The following SMTNL2 variants were observed in gnomAD, a reference collection of about 807,000 sequenced individuals.
The protein encoded by SMTNL2 is smoothelin-like protein 2.
SMTNL2 carries 43 observed loss-of-function variants against 44.1 expected under a neutral mutation model. That is an observed-to-expected ratio of 0.98 (90% CI 0.76 to 1.26). SMTNL2 has a LOEUF of 1.26. Ranked by LOEUF, SMTNL2 falls within the 50% of genes most tolerant of loss-of-function variation. The probability of loss-of-function intolerance (pLI) is 0.00; values close to 1 mark genes in which losing one functional copy is unlikely to be tolerated. For synonymous variants in SMTNL2, 317 were observed against 287.6 expected (o/e 1.10, Z -1.03); for missense variants, 646 against 670.2 (o/e 0.96, Z 0.40).
chr17:4,601,543 A>T (rs2150525109), intron 7 of SMTNL2, among the ~76,000 whole-genome samples: 1 of 152,156 alleles, frequency 6.6e-6, no homozygotes, highest in East Asian at 1.9e-4. Flanking sequence ...TGATTGATTG[A>T]CACAAGATCA....
chr17:4,587,049 A>C (rs1389351202), intron 1 of SMTNL2, among the ~76,000 whole-genome samples: 1 of 152,078 alleles, frequency 6.6e-6, no homozygotes, highest in African/African-American at 2.4e-5. Context: ...GGAATTAAAA[A>C]CCAGACCGGG....
At position 4,600,747 on chromosome 17, in the gene SMTNL2, A is replaced by C. The variant is rs1909996589; in HGVS notation, c.1259+3424A>C. On this transcript the variant is annotated intron_variant, in intron 7 of 7. Transcript: ENST00000389313. The surrounding 1 kb of genome is among the most constrained non-coding windows in gnomAD (Gnocchi z 4.7). ...TCGGGCGGGCGCCTGACCCTTCTGC[A>C]CCCGTCCTTTCCACCTCTGCAGAGG... Among the ~76,000 whole-genome samples the C allele has an allele frequency of 6.6e-6, 1 of 152,022 alleles. No individual in the cohort carries two copies. The highest frequency in any genetic ancestry group is 1.5e-5 in the Non-Finnish European group (1 of 67,982).
chr17:4,594,520 C>T lies in SMTNL2; in HGVS notation c.806+623C>T, dbSNP rs544545775. ...AAAATATTGGAGGAGGCCTCTCAGC[C>T]GGCAGGAGGGAGAGGACAGGAGCTT... On this transcript the variant is annotated intron_variant, in intron 4 of 7. Transcript: ENST00000389313. Among the ~76,000 whole-genome samples, 7 of 152,108 alleles carry T rather than the reference C, an allele frequency of 4.6e-5. No homozygotes were observed. The South Asian group carries it at 8.3e-4, about 18-fold the overall frequency.
Position 4,607,302 on chromosome 17 carries a change from C to A in SMTNL2, c.1260-59C>A. 1 of 1,598,830 alleles carries A rather than the reference C, an allele frequency of 6.3e-7. No homozygotes were observed. Among genetic ancestry groups the A allele is most frequent in the Non-Finnish European group, 8.5e-7 (1 of 1,172,310 alleles). ...CGGGACCGAGACACCGGCCCTGTCG[C>A]GGCTGTGGGGCTGGCTGATGGCTGG... On this transcript the variant is annotated intron_variant, in intron 7 of 7. Transcript: ENST00000389313. The surrounding 1 kb of genome is among the most constrained non-coding windows in gnomAD (Gnocchi z 4.7).
intron 3 of SMTNL2, among the ~76,000 whole-genome samples, chr17:4,593,481 G>A (rs1171416329): frequency 6.6e-6 from 1 of 152,258 alleles, no homozygotes; most frequent in Non-Finnish European, 1.5e-5. Flanking sequence ...TTGGGCCTGT[G>A]GCCAGTCCTC....
Position 4,597,160 on chromosome 17 carries a change from AC to A in SMTNL2, c.1108-9del. On this transcript the variant is annotated splice_polypyrimidine_tract_variant and intron_variant, in intron 6 of 7. Transcript: ENST00000389313. The stretch of plus-strand genomic sequence containing the variant: ...CTGCCCTCCCGCACTGACCCCACTC[AC>A]CCTGTTGCAGCACGTGGACCTGCAG... 6.2e-7 allele frequency: 1 copy of A among 1,612,050 alleles called. No individual in the cohort carries two copies. Among genetic ancestry groups the A allele is most frequent in the Non-Finnish European group, 8.5e-7 (1 of 1,179,078 alleles).
At position 4,599,762 on chromosome 17, in the gene SMTNL2, G is replaced by A. The variant is rs566997051; in HGVS notation, c.1259+2439G>A. Among the ~76,000 whole-genome samples the A allele has an allele frequency of 3.3e-5, 5 of 152,366 alleles. No individual in the cohort carries two copies. In the South Asian group the frequency reaches 1.0e-3, roughly 32 times the overall value. On this transcript the variant is annotated intron_variant, in intron 7 of 7. Transcript: ENST00000389313. ...CCGGGCTGTGCTTCCCCAGCACGAGGTTTGAGTTCAGGGAGCTTCTAGACT... is the reference window on the plus strand; with the variant it reads ...CCGGGCTGTGCTTCCCCAGCACGAGATTTGAGTTCAGGGAGCTTCTAGACT...
At position 4,592,296 on chromosome 17, in the gene SMTNL2, C is replaced by A; in HGVS notation, c.400-65C>A. ...GAACGGGAGGGGATTTGGGGGTGGG[C>A]AGCTTTTGGGGGTGGGCAGCTGGCC... On this transcript the variant is annotated intron_variant, in intron 1 of 7. Coordinates refer to ENST00000389313, the MANE Select transcript of SMTNL2 (RefSeq NM_001114974.2). The surrounding 1 kb of genome is among the most constrained non-coding windows in gnomAD (Gnocchi z 4.5). 3.5e-6 allele frequency: 5 copies of A among 1,420,776 alleles called. No homozygotes were observed. The highest frequency in any genetic ancestry group is 2.4e-5 in the East Asian group (1 of 41,058). 88.0% of individuals were successfully genotyped at this position (1,420,776 alleles called of 1,614,324 possible).
At position 4,588,983 on chromosome 17, in the gene SMTNL2, G is replaced by A. The variant is rs144260842; in HGVS notation, c.400-3378G>A. Among the ~76,000 whole-genome samples the A allele has an allele frequency of 1.4e-4, 21 of 152,296 alleles. No homozygotes were observed. In the East Asian group the frequency reaches 3.5e-3, roughly 25 times the overall value. ...ATAGCCCCTTGCGCCTTGACCTAAG[G>A]CACGGGCAGACCCCTTTCCCCAGGT... On this transcript the variant is annotated intron_variant, in intron 1 of 7. Transcript: ENST00000389313.
At chr17:4,593,698 A>C in intron 3 of SMTNL2, 124 bp from the exon 4 acceptor site, 1 of 917,018 alleles carries the variant, frequency 1.1e-6, no homozygotes, top group Non-Finnish European at 1.7e-6. Flanking sequence ...CTTAGCCCAG[A>C]AGGTTAGCTC....
chr17:4,593,306 T>C (rs1909660987), intron 3 of SMTNL2, 135 bp downstream of exon 3: 10 of 1,304,394 alleles, frequency 7.7e-6, no homozygotes, highest in Non-Finnish European at 1.0e-5. Flanking sequence ...CTGCCTGCCA[T>C]GTCAGCCCCT....
chr17:4,597,836 G>A (rs1360247515), intron 7 of SMTNL2, among the ~76,000 whole-genome samples: 1 of 152,212 alleles, frequency 6.6e-6, no homozygotes, highest in African/African-American at 2.4e-5. Context: ...TAGCTTCTTA[G>A]GTCCCACCTC....
chr17:4,586,496 T>G (rs1292324376), intron 1 of SMTNL2, among the ~76,000 whole-genome samples: 1 of 123,786 alleles, frequency 8.1e-6, no homozygotes, highest in African/African-American at 3.1e-5. Context: ...TACATGTAGA[T>G]GTGTGTGTAC....
intron 7 of SMTNL2, among the ~76,000 whole-genome samples, chr17:4,601,230 G>A (rs1382320591): frequency 1.3e-5 from 2 of 152,172 alleles, no homozygotes; most frequent in Non-Finnish European, 2.9e-5. Context: ...GTTGGGCAAC[G>A]TGGCAAGACC....
At chr17:4,605,832 A>T (rs758260816) in intron 7 of SMTNL2, among the ~76,000 whole-genome samples, 7 of 152,176 alleles carry the variant, frequency 4.6e-5, no homozygotes, top group African/African-American at 7.2e-5. Flanking sequence ...GGACCCAGGC[A>T]TACTGTAAGC....
Position 4,607,515 on chromosome 17 carries a change from C to G in SMTNL2, c.*28C>G. ...CCCCTGAGCCTGGATTGCCAAAGAG[C>G]AGCCCCAGGAAGAGGCCGGGGGTCC... On this transcript the variant is annotated 3_prime_UTR_variant, in exon 8 of 8. Coordinates refer to ENST00000389313, the MANE Select transcript of SMTNL2 (RefSeq NM_001114974.2). This position sits in a 1 kb window ranked among gnomAD's most constrained non-coding sequence, Gnocchi z 4.7. 6.2e-7 allele frequency: 1 copy of G among 1,611,188 alleles called. No homozygotes were observed. Among genetic ancestry groups the G allele is most frequent in the Non-Finnish European group, 8.5e-7 (1 of 1,177,734 alleles).
intron 1 of SMTNL2, among the ~76,000 whole-genome samples, chr17:4,588,507 C>A (rs556761560): frequency 1.1e-4 from 16 of 152,292 alleles, no homozygotes; most frequent in Admixed American, 7.8e-4. Context: ...CCCAGCATAC[C>A]GAGGCCCCTC....
rs562911960 is a variant in SMTNL2 at position 4,607,710 on chromosome 17, G to A, written c.*223G>A. 55 of 547,838 alleles carry A rather than the reference G, an allele frequency of 1.0e-4. No homozygotes were observed. Among genetic ancestry groups the A allele is most frequent in the African/African-American group, 9.5e-4 (50 of 52,364 alleles). 33.9% of individuals were successfully genotyped at this position (547,838 alleles called of 1,614,324 possible). On this transcript the variant is annotated 3_prime_UTR_variant, in exon 8 of 8. Coordinates refer to ENST00000389313, the MANE Select transcript of SMTNL2 (RefSeq NM_001114974.2). The surrounding 1 kb of genome is among the most constrained non-coding windows in gnomAD (Gnocchi z 4.7). ...CACTGATCACAGCCAAGGGCTTGGA[G>A]GAAAAGGAAAAATTATGAGAGAGAG...
Position 4,607,428 on chromosome 17 carries a change from C to G in SMTNL2, c.1327C>G (p.Pro443Ala). The G allele has an allele frequency of 6.2e-7, 1 of 1,614,192 alleles. No individual in the cohort carries two copies. Among genetic ancestry groups the G allele is most frequent in the East Asian group, 2.2e-5 (1 of 44,886 alleles). ...DMMVMGRKPDPMCVFTYVQSL... is the reference protein window; with the variant it reads ...DMMVMGRKPDAMCVFTYVQSL... ...GATGGTGATGGGCCGCAAGCCGGAC[C>G]CCATGTGTGTCTTCACCTACGTCCA... Residue 443 changes from proline to alanine, a missense_variant, in exon 8 of 8, where the codon CCC becomes GCC. Coordinates refer to ENST00000389313, the MANE Select transcript of SMTNL2 (RefSeq NM_001114974.2). The surrounding 1 kb of genome is among the most constrained non-coding windows in gnomAD (Gnocchi z 4.7).
Sources: gnomAD v4.1 joint callset for allele counts (sites outside exome capture counted in the v4.1 genomes callset) on GRCh38, gnomAD v4.1.1 for gene constraint, Gnocchi (gnomAD v3.1) non-coding constraint, MANE v1.5 for transcripts, NCBI Gene and HGNC (gene_info 2026-07-23, HGNC 2026-07-21) for gene names.